Variants in OR3A1 observed in about 807,000 individuals in gnomAD.
OR3A1 encodes the protein olfactory receptor family 3 subfamily A member 1, also known as olfactory receptor 3A1.
For synonymous variants in OR3A1, 145 were observed against 160.0 expected (o/e 0.91, Z 0.71); for missense variants, 402 against 393.8 (o/e 1.02, Z -0.18).
chr17:3,292,608 G>T lies in OR3A1; in HGVS notation c.-6-20C>A. On this transcript the variant is annotated intron_variant, in intron 1 of 1. Coordinates refer to ENST00000323404, the MANE Select transcript of OR3A1 (RefSeq NM_002550.3). ...GAGTTCCTGCAAAGAAACATCCAGG[G>T]AGGAAAAGAATCACTCCTCCCAATA... 6.5e-7 allele frequency: 1 copy of T among 1,547,162 alleles called. No individual in the cohort carries two copies. The highest frequency in any genetic ancestry group is 8.8e-7 in the Non-Finnish European group (1 of 1,139,542).
At chr17:3,296,504 T>G (rs2048919211) in intron 1 of OR3A1, among the ~76,000 whole-genome samples, 1 of 152,228 alleles carries the variant, frequency 6.6e-6, no homozygotes, top group East Asian at 1.9e-4. Context: ...AGAAATCTTT[T>G]ATGGGTAGGA....
Position 3,291,979 on chromosome 17 carries a change from G to C in OR3A1, c.604C>G (p.Leu202Val). 6.2e-7 allele frequency: 1 copy of C among 1,614,230 alleles called. No individual in the cohort carries two copies. The highest frequency in any genetic ancestry group is 8.5e-7 in the Non-Finnish European group (1 of 1,180,036). The change falls in exon 2 of 2, where the codon CTT becomes GTT. Residue 202 changes from leucine to valine, a missense_variant. Physicochemically the swap from Leu to Val is conservative, Grantham distance 32. Transcript: ENST00000323404. ...CSSTQLNELL[L>V]FAVGFIMAGT... ...GCCATTATAAAACCCACAGCAAAAA[G>C]CAGCAGCTCATTGAGTTGGGTGCTG... is the stretch of plus-strand genomic sequence containing the variant.
At chr17:3,292,647 A>AAAAAG in intron 1 of OR3A1, 59 bp from the exon 2 acceptor site, 2 of 1,407,772 alleles carry the variant, frequency 1.4e-6, no homozygotes, top group Admixed American at 2.3e-5. Flanking sequence ...TATTTACTCA[A>AAAAAG]GAAAAAGAAA....
intron 1 of OR3A1, among the ~76,000 whole-genome samples, chr17:3,293,367 A>T (rs1396819210): frequency 6.6e-6 from 1 of 152,212 alleles, no homozygotes; most frequent in Admixed American, 6.5e-5. Flanking sequence ...AGAAAAAAAT[A>T]CATCAGTTCT....
Position 3,292,170 on chromosome 17 carries a change from C to G in OR3A1, c.413G>C (p.Arg138Pro), listed in dbSNP as rs143631940. 1 of 1,614,072 alleles carries G rather than the reference C, an allele frequency of 6.2e-7. No individual in the cohort carries two copies. Among genetic ancestry groups the G allele is most frequent in the Non-Finnish European group, 8.5e-7 (1 of 1,180,014 alleles). ...CATCCTCTGGACTGTCTGACTCATG[C>G]GGGTGCTGTAGGTGAGGGGCCGGCA... is the stretch of plus-strand genomic sequence containing the variant. Reference protein sequence around the residue: ...AICRPLTYSTRMSQTVQRMLV... With the variant: ...AICRPLTYSTPMSQTVQRMLV... The change falls in exon 2 of 2, where the codon CGC becomes CCC. Residue 138 changes from arginine to proline, a missense_variant. Transcript: ENST00000323404.
rs754811435 is a variant in OR3A1 at position 3,292,208 on chromosome 17, T to C, written c.375A>G (p.Arg125=). 17 of 1,613,940 alleles carry C rather than the reference T, an allele frequency of 1.1e-5. No homozygotes were observed. In the East Asian group the frequency reaches 2.9e-4, roughly 28 times the overall value. ...TGAGGGGCCGGCAGATGGCCAGGAA[T>C]CGGTCATAGGCCATGGCGGTCAGCA... ...CFLLTAMAYD[R]FLAICRPLTY... The change falls in exon 2 of 2, where the codon CGA becomes CGG. Residue 125 remains arginine (R), a synonymous_variant. Transcript: ENST00000323404.
intron 1 of OR3A1, among the ~76,000 whole-genome samples, chr17:3,295,319 T>C (rs992500758): frequency 6.6e-6 from 1 of 151,888 alleles, no homozygotes; most frequent in African/African-American, 2.4e-5. Context: ...ATAAATTACA[T>C]GGTATAGGAG....
At position 3,291,972 on chromosome 17, in the gene OR3A1, GC is replaced by G; in HGVS notation, c.610del (p.Ala204LeufsTer5). The G allele has an allele frequency of 1.2e-6, 2 of 1,614,212 alleles. No homozygotes were observed. The highest frequency in any genetic ancestry group is 2.2e-5 in the South Asian group (2 of 91,086). ...GGTACCTGCCATTATAAAACCCACA[GC>G]AAAAAGCAGCAGCTCATTGAGTTGG... ...STQLNELLLF[A>X]VGFIMAGTPM... is the part of the protein sequence containing the mutation. On this transcript the variant is annotated frameshift_variant, in exon 2 of 2. Coordinates refer to ENST00000323404, the MANE Select transcript of OR3A1 (RefSeq NM_002550.3). LOFTEE classifies it low-confidence loss of function (END_TRUNC).
In OR3A1 at chr17:3,292,456, T is replaced by C. The variant is rs2048884317; in HGVS notation, c.127A>G (p.Arg43Gly). The stretch of plus-strand genomic sequence containing the variant: ...GCTGCCAGGATGCTGAGGTTGCCCC[T>C]GACCGTGACCAGGTAGGCAAAGAGG... ...LFLFAYLVTV[R>G]GNLSILAAVL... The change falls in exon 2 of 2, where the codon AGG becomes GGG. Residue 43 changes from arginine to glycine, a missense_variant. Physicochemically the swap from Arg to Gly is moderately radical, Grantham distance 125 (BLOSUM62 -2). Coordinates refer to ENST00000323404, the MANE Select transcript of OR3A1 (RefSeq NM_002550.3). 6.2e-7 allele frequency: 1 copy of C among 1,609,544 alleles called. No individual in the cohort carries two copies. Among genetic ancestry groups the C allele is most frequent in the Non-Finnish European group, 8.5e-7 (1 of 1,176,528 alleles).
chr17:3,292,623 T>C (rs1477891981), intron 1 of OR3A1, 35 bp from the exon 2 acceptor site: 13 of 1,476,812 alleles, frequency 8.8e-6, no homozygotes, highest in Non-Finnish European at 1.2e-5. Context: ...AAAGAATCAC[T>C]CCTCCCAATA....
At chr17:3,295,176 G>A (rs769280551) in intron 1 of OR3A1, among the ~76,000 whole-genome samples, 4 of 152,040 alleles carry the variant, frequency 2.6e-5, no homozygotes, top group Admixed American at 6.6e-5. Flanking sequence ...AAGGAGATAG[G>A]AGGACGTATG....
intron 1 of OR3A1, among the ~76,000 whole-genome samples, chr17:3,296,615 T>C (rs1432877278): frequency 6.6e-6 from 1 of 152,090 alleles, no homozygotes; most frequent in African/African-American, 2.4e-5. Flanking sequence ...TAATCACAAT[T>C]ACATTAAAAG....
At position 3,292,049 on chromosome 17, in the gene OR3A1, A is replaced by G; in HGVS notation, c.534T>C (p.Asn178=). 6.2e-7 allele frequency: 1 copy of G among 1,614,188 alleles called. No individual in the cohort carries two copies. Among genetic ancestry groups the G allele is most frequent in the South Asian group, 1.1e-5 (1 of 91,084 alleles). The change falls in exon 2 of 2, where the codon AAT becomes AAC. Residue 178 remains asparagine, a synonymous_variant. Transcript: ENST00000323404. ...TLNFCGPNVI[N]HFYCDLPQLF... ...GCTGTGGGAGGTCACAGTAGAAGTGATTGATCACATTGGGGCCACAGAAGT... is the reference window on the plus strand; with the variant it reads ...GCTGTGGGAGGTCACAGTAGAAGTGGTTGATCACATTGGGGCCACAGAAGT...
intron 1 of OR3A1, among the ~76,000 whole-genome samples, chr17:3,293,177 G>C (rs2048891287): frequency 6.6e-6 from 1 of 150,882 alleles, no homozygotes; most frequent in Admixed American, 6.6e-5. Flanking sequence ...GGGTGGGTAG[G>C]GGGAGGCAAT....
At chr17:3,294,626 A>G (rs1229847205) in intron 1 of OR3A1, among the ~76,000 whole-genome samples, 3 of 152,214 alleles carry the variant, frequency 2.0e-5, no homozygotes, top group Non-Finnish European at 4.4e-5. Context: ...GCATTGTTAC[A>G]TACCACTGGA....
rs759931557 is a variant in OR3A1, at chr17:3,292,104, A to C, written c.479T>G (p.Leu160Arg). 3.7e-6 allele frequency: 6 copies of C among 1,614,224 alleles called. No homozygotes were observed. Among genetic ancestry groups the C allele is most frequent in the Non-Finnish European group, 5.1e-6 (6 of 1,180,036 alleles). ...CGTGGACATGGCCACAGTGTGGGTC[A>C]GTGCGTTGGTGAAAGCACAAGCCCA... The part of the protein sequence containing the change: ...ASWACAFTNA[L>R]THTVAMSTLN... Residue 160 changes from leucine (L) to arginine (R), a missense_variant, in exon 2 of 2, where the codon CTG (leucine) becomes CGG (arginine). Transcript: ENST00000323404.
rs144174017 is a variant in OR3A1, at chr17:3,292,226, G to T, written c.357C>A (p.Thr119=). The change falls in exon 2 of 2, where the codon ACC becomes ACA. Residue 119 remains threonine (T), a synonymous_variant. Transcript: ENST00000323404. ...CCAGGAATCGGTCATAGGCCATGGC[G>T]GTCAGCAGGAAGCAGTCCACTCCAA... ...LFVGVDCFLL[T]AMAYDRFLAI... 5.0e-6 allele frequency: 8 copies of T among 1,614,132 alleles called. No individual in the cohort carries two copies. The Admixed American group carries it at 1.3e-4, about 27-fold the overall frequency.
chr17:3,297,875 G>A (rs1387313772), intron 1 of OR3A1, among the ~76,000 whole-genome samples: 1 of 152,070 alleles, frequency 6.6e-6, no homozygotes, highest in Non-Finnish European at 1.5e-5. Context: ...ATAAAAGATT[G>A]ATACGATTTA....
intron 1 of OR3A1, among the ~76,000 whole-genome samples, chr17:3,297,442 A>AAGTATGACCGTAAGAGCAACAATATTT (rs1567546174): frequency 1.3e-5 from 2 of 151,932 alleles, no homozygotes; most frequent in African/African-American, 4.9e-5. Flanking sequence ...TTTATCTGGA[A>AAGTATGACCGTAAGAGCAACAATATTT]CATCCTCTAA....
Sources: allele counts gnomAD v4.1 joint callset (sites outside exome capture counted in the v4.1 genomes callset), GRCh38; gene constraint gnomAD v4.1.1; transcripts MANE v1.5; gene names NCBI Gene and HGNC (gene_info 2026-07-23, HGNC 2026-07-21).